PHEX: variants seen among roughly 807,000 people sequenced by gnomAD.
PHEX encodes the protein phosphate regulating endopeptidase X-linked.
PHEX carries 16 observed loss-of-function variants against 68.0 expected under a neutral mutation model. The observed-to-expected ratio is 0.24, with a 90% confidence interval of 0.16 to 0.36. The LOEUF (loss-of-function observed/expected upper bound fraction) is 0.36, where lower values mean the gene tolerates loss of function less well. Ranked by LOEUF, PHEX falls within the 10% of genes least tolerant of loss-of-function variation. The pLI, the probability that PHEX is intolerant of heterozygous loss-of-function variation, is 1.00. For synonymous variants in PHEX, 208 were observed against 205.1 expected (o/e 1.01, Z -0.12); for missense variants, 480 against 575.5 (o/e 0.83, Z 1.70).
chrX:22,209,888 GA>G (rs1934857243), intron 15 of PHEX, among the ~76,000 whole-genome samples: 1 of 103,879 alleles, frequency 9.6e-6, no homozygotes, highest in African/African-American at 3.6e-5. Context: ...TACACTGATA[GA>G]AAAAGGAACT....
chrX:22,038,559 T>G (rs1483231516), intron 2 of PHEX, 22 bp downstream of exon 2: 6 of 1,033,576 alleles, frequency 5.8e-6, no homozygotes, highest in Non-Finnish European at 8.2e-6. Flanking sequence ...TTTTCCATCC[T>G]GTGTCAAGTT....
intron 3 of PHEX, among the ~76,000 whole-genome samples, chrX:22,072,189 C>T (rs1031191720): frequency 2.7e-5 from 3 of 112,317 alleles, no homozygotes; most frequent in African/African-American, 9.7e-5. Context: ...GATCCTGCCA[C>T]TGCACTCCAG....
chrX:22,112,676 G>C (rs1931027231), intron 10 of PHEX, among the ~76,000 whole-genome samples: 1 of 111,280 alleles, frequency 9.0e-6, no homozygotes, highest in African/African-American at 3.3e-5. Context: ...GGAGGCCAAG[G>C]CAGGCAAATT....
At chrX:22,138,652 T>C (rs901721687) in intron 12 of PHEX, among the ~76,000 whole-genome samples, 1 of 112,338 alleles carries the variant, frequency 8.9e-6, no homozygotes, top group African/African-American at 3.2e-5. Flanking sequence ...TTCCCCTTGA[T>C]ACCTTCACTC....
chrX:22,098,000 C>T (rs1930218039), intron 8 of PHEX: 1 of 132,603 alleles, frequency 7.5e-6, no homozygotes, highest in Non-Finnish European at 1.5e-5. Flanking sequence ...TCAAATGATC[C>T]ACCTGCCTCG....
At chrX:22,198,540 C>T (rs1048734217) in intron 15 of PHEX, among the ~76,000 whole-genome samples, 25 of 110,949 alleles carry the variant, frequency 2.3e-4, no homozygotes, top group African/African-American at 7.9e-4. Flanking sequence ...TCTCTGGGCA[C>T]AGAAGTGAGA....
chrX:22,123,863 G>A (rs950609945), intron 11 of PHEX, among the ~76,000 whole-genome samples: 6 of 95,096 alleles, frequency 6.3e-5, no homozygotes, highest in East Asian at 3.1e-4. Context: ...ACCAAGTCTC[G>A]CCCTGTTGCC....
intron 3 of PHEX, among the ~76,000 whole-genome samples, chrX:22,076,131 TCA>T (rs1929140381): frequency 8.9e-6 from 1 of 112,719 alleles, no homozygotes; most frequent in South Asian, 3.6e-4. Flanking sequence ...ACATCCATTC[TCA>T]GTTGGAAATT....
chrX:22,100,154 A>C (rs974645058), intron 9 of PHEX, among the ~76,000 whole-genome samples: 1 of 112,334 alleles, frequency 8.9e-6, no homozygotes, highest in Admixed American at 9.4e-5. Flanking sequence ...AATTGAATCT[A>C]GAGGTACGTA....
At chrX:22,208,164 T>G (rs192221763) in intron 15 of PHEX, among the ~76,000 whole-genome samples, 1 of 109,511 alleles carries the variant, frequency 9.1e-6, no homozygotes, top group Non-Finnish European at 1.9e-5. Flanking sequence ...TGTAGAGCCC[T>G]TTTTACGAGC....
chrX:22,142,978 G>C (rs924690277), intron 12 of PHEX, among the ~76,000 whole-genome samples: 10 of 112,550 alleles, frequency 8.9e-5, no homozygotes, highest in Non-Finnish European at 1.9e-4. Context: ...ACAGCCAGCT[G>C]TTCAGGCAAC....
At chrX:22,143,092 T>C (rs1484145046) in intron 12 of PHEX, among the ~76,000 whole-genome samples, 6 of 112,162 alleles carry the variant, frequency 5.3e-5, no homozygotes, top group Non-Finnish European at 1.1e-4. Flanking sequence ...TTTTAGTTAT[T>C]CCCCTCCCTT....
rs138453485 is a variant in PHEX, at chrX:22,089,766, A to G, written c.664-663A>G. 4.7e-3 allele frequency among the ~76,000 whole-genome samples: 527 copies of G among 112,254 alleles called. 2 individuals carry two copies. The highest frequency in any genetic ancestry group is 0.016 in the African/African-American group (508 of 30,908). Reference sequence around the variant, plus strand: ...TCAAGAATTTATACTATACTTTTCTATCACTGTAATTCTACTTATTTAGTT... The same window carrying G: ...TCAAGAATTTATACTATACTTTTCTGTCACTGTAATTCTACTTATTTAGTT... On this transcript the variant is annotated intron_variant, in intron 5 of 21. Coordinates refer to ENST00000379374, the MANE Select transcript of PHEX (RefSeq NM_000444.6).
chrX:22,158,130 C>T (rs1422460638), intron 12 of PHEX, among the ~76,000 whole-genome samples: 5 of 111,992 alleles, frequency 4.5e-5, no homozygotes, highest in African/African-American at 1.6e-4. Flanking sequence ...CCATTAGCTC[C>T]GCTTAGGGTA....
intron 9 of PHEX, among the ~76,000 whole-genome samples, chrX:22,105,682 T>C (rs750164337): frequency 1.8e-5 from 2 of 111,874 alleles, no homozygotes; most frequent in Non-Finnish European, 3.8e-5. Flanking sequence ...TTCTTGGAAG[T>C]ACCTTGACCT....
chrX:22,212,345 G>T (rs1934955393), intron 15 of PHEX, among the ~76,000 whole-genome samples: 2 of 111,642 alleles, frequency 1.8e-5, no homozygotes, highest in East Asian at 2.8e-4. Context: ...CTGGGGCATT[G>T]TGAATGCTGT....
At chrX:22,234,333 G>T (rs889230939) in intron 20 of PHEX, among the ~76,000 whole-genome samples, 2 of 112,704 alleles carry the variant, frequency 1.8e-5, no homozygotes, top group African/African-American at 6.4e-5. Flanking sequence ...TGGCTGTCAG[G>T]CAGGGACGTT....
At chrX:22,035,027 C>T (rs1926947466) in intron 1 of PHEX, among the ~76,000 whole-genome samples, 1 of 110,900 alleles carries the variant, frequency 9.0e-6, no homozygotes, top group Non-Finnish European at 1.9e-5. Context: ...ACCTGCCTGG[C>T]AATGCTCTTC....
At chrX:22,201,147 T>C (rs1464378389) in intron 15 of PHEX, among the ~76,000 whole-genome samples, 1 of 111,674 alleles carries the variant, frequency 9.0e-6, no homozygotes, top group African/African-American at 3.3e-5. Flanking sequence ...GATGATGCAC[T>C]TAGCAAGTCT....
Sources: gnomAD v4.1 joint callset for allele counts (sites outside exome capture counted in the v4.1 genomes callset) on GRCh38, gnomAD v4.1.1 for gene constraint, MANE v1.5 for transcripts, NCBI Gene and HGNC (gene_info 2026-07-23, HGNC 2026-07-21) for gene names.